Variants in HM13 observed in about 807,000 individuals in gnomAD.
HM13 encodes the protein signal peptide peptidase.
In HM13, 18 loss-of-function variants were observed where a neutral mutation model predicts 50.0. That is an observed-to-expected ratio of 0.36 (90% CI 0.25 to 0.53). The LOEUF (loss-of-function observed/expected upper bound fraction) is 0.53, where lower values mean the gene tolerates loss of function less well. Ranked by LOEUF, HM13 falls within the 20% of genes least tolerant of loss-of-function variation. The pLI, the probability that HM13 is intolerant of heterozygous loss-of-function variation, is 0.90. For missense variants in HM13, 393 were observed against 552.4 expected (o/e 0.71, Z 2.89); for synonymous variants, 197 against 232.6 (o/e 0.85, Z 1.39).
rs1985130261 is a variant in HM13, at chr20:31,569,309, CAAGGGCAGCTCCAGGA to C, written c.*91_*106del. On this transcript the variant is annotated 3_prime_UTR_variant, in exon 13 of 13. Coordinates refer to ENST00000398174, the MANE Select transcript of HM13 (RefSeq NM_178581.3). ...TGCACCGGTAGAGGGCACAGGAGGCCAAGGGCAGCTCCAGGACAGGGCAGGGGGCAGCAGGATACCT... is the reference window on the plus strand; with the variant it reads ...TGCACCGGTAGAGGGCACAGGAGGCCCAGGGCAGGGGGCAGCAGGATACCT... 1.2e-6 allele frequency: 1 copy of C among 860,796 alleles called. No individual in the cohort carries two copies. The highest frequency in any genetic ancestry group is 1.9e-6 in the Non-Finnish European group (1 of 536,224). The allele number at this position is 860,796 out of a possible 1,614,324, so 53.3% of individuals were successfully genotyped here. A position where few individuals can be genotyped will look rare whatever the true frequency, so the allele number is the denominator to read the frequency against.
intron 1 of HM13, among the ~76,000 whole-genome samples, chr20:31,524,221 CAG>C (rs1568780301): frequency 6.6e-6 from 1 of 151,912 alleles, no homozygotes; most frequent in Admixed American, 6.6e-5. Flanking sequence ...GCTTGGGCAA[CAG>C]AGAGAGACCC....
At position 31,518,335 on chromosome 20, in the gene HM13, A is replaced by AT. The variant is rs1218290849; in HGVS notation, c.183+3613dup. 4.2e-3 allele frequency among the ~76,000 whole-genome samples: 590 copies of AT among 138,950 alleles called. 4 individuals are homozygous for AT. Among genetic ancestry groups the AT allele is most frequent in the East Asian group, 7.2e-3 (31 of 4,326 alleles). The allele number at this position is 138,950 out of a possible 152,430, so 91.2% of individuals were successfully genotyped here. On this transcript the variant is annotated intron_variant, in intron 1 of 12. Transcript: ENST00000398174. ...CAGGCATGAGCCACCGCGCCCAGCA[A>AT]TTTTTTTTTTTTCTTTAACAATATG...
chr20:31,542,361 C>A lies in HM13; in HGVS notation c.366-2586C>A, dbSNP rs901314817. 5.9e-5 allele frequency among the ~76,000 whole-genome samples: 9 copies of A among 152,302 alleles called. No individual in the cohort carries two copies. The East Asian group carries it at 1.5e-3, about 26-fold the overall frequency. On this transcript the variant is annotated intron_variant, in intron 3 of 12. Coordinates refer to ENST00000398174, the MANE Select transcript of HM13 (RefSeq NM_178581.3). ...TAGAGGGAAAAAATGCCCAGAAGGACCAGATCTGCCACCCCAGAGGAGGAA... is the reference window on the plus strand; with the variant it reads ...TAGAGGGAAAAAATGCCCAGAAGGAACAGATCTGCCACCCCAGAGGAGGAA...
intron 7 of HM13, 164 bp downstream of exon 7, chr20:31,550,285 G>T: frequency 1.6e-6 from 1 of 634,586 alleles, no homozygotes; most frequent in South Asian, 1.7e-5. Flanking sequence ...TCATCTGGCT[G>T]TGTTCATCCT....
intron 1 of HM13, among the ~76,000 whole-genome samples, chr20:31,520,507 T>C (rs1261160968): frequency 6.6e-6 from 1 of 152,070 alleles, no homozygotes; most frequent in Non-Finnish European, 1.5e-5. Flanking sequence ...TTTCACCATG[T>C]TGGCCAGGCT....
chr20:31,531,304 G>A (rs1982800221), intron 2 of HM13, among the ~76,000 whole-genome samples: 1 of 152,138 alleles, frequency 6.6e-6, no homozygotes, highest in African/African-American at 2.4e-5. Context: ...CTCCCAAAGT[G>A]CTGGGATTAC....
intron 11 of HM13, 112 bp from the exon 12 acceptor site, chr20:31,567,966 G>C (rs1985018454): frequency 1.0e-6 from 1 of 959,492 alleles, no homozygotes; most frequent in African/African-American, 1.7e-5. Flanking sequence ...TGCAAAAATA[G>C]GTAAAAACAA....
intron 7 of HM13, 37 bp downstream of exon 7, chr20:31,550,158 C>T (rs547582485): frequency 3.2e-6 from 5 of 1,558,628 alleles, no homozygotes; most frequent in Admixed American, 3.3e-5. Context: ...CCCCTTCCCC[C>T]ACCCCTGCCG....
chr20:31,558,597 C>T (rs1984443973), intron 8 of HM13, among the ~76,000 whole-genome samples: 4 of 152,104 alleles, frequency 2.6e-5, no homozygotes, highest in Admixed American at 2.6e-4. Flanking sequence ...TCTTTCCCCT[C>T]CTTCACCCCT....
At chr20:31,541,367 A>G (rs184116188) in intron 3 of HM13, 4 of 151,970 alleles carry the variant, frequency 2.6e-5, no homozygotes, top group African/African-American at 7.2e-5. Flanking sequence ...TGTGGTCCCA[A>G]CTGCTCGGTA....
intron 1 of HM13, among the ~76,000 whole-genome samples, chr20:31,516,090 A>G (rs1981757321): frequency 6.6e-6 from 1 of 152,220 alleles, no homozygotes; most frequent in South Asian, 2.1e-4. Context: ...AGACTCAAAC[A>G]TGACTCCATT....
chr20:31,561,475 G>A lies in HM13; in HGVS notation c.846-159G>A, dbSNP rs116724536. On this transcript the variant is annotated intron_variant, in intron 9 of 12. Transcript: ENST00000398174. ...AACTTGTCCAGAGACACATAGCTGG[G>A]GGCAGTATCAGCGTGCACACCCACC... Among the ~76,000 whole-genome samples the A allele has an allele frequency of 4.2e-3, 634 of 152,238 alleles. 7 individuals are homozygous for A. Among genetic ancestry groups the A allele is most frequent in the African/African-American group, 0.014 (583 of 41,544 alleles).
chr20:31,545,507 G>T (rs946368681), intron 4 of HM13, among the ~76,000 whole-genome samples: 6 of 152,174 alleles, frequency 3.9e-5, no homozygotes, highest in Non-Finnish European at 8.8e-5. Flanking sequence ...TCTCATGCCT[G>T]TAATCACAGC....
intron 11 of HM13, among the ~76,000 whole-genome samples, chr20:31,567,022 A>G (rs574249323): frequency 6.6e-6 from 1 of 152,172 alleles, no homozygotes; most frequent in African/African-American, 2.4e-5. Context: ...AGCTGTCCCT[A>G]GAGCGCTTGC....
rs544348836 is a variant in HM13, at chr20:31,520,240, A to G, written c.183+5506A>G. ...TACTTTCCCACCAGCAATGACCTCA[A>G]TTCTTGTTTAATGGCTGTGGAGTAG... On this transcript the variant is annotated intron_variant, in intron 1 of 12. Coordinates refer to ENST00000398174, the MANE Select transcript of HM13 (RefSeq NM_178581.3). Among the ~76,000 whole-genome samples, 11 of 152,264 alleles carry G rather than the reference A, an allele frequency of 7.2e-5. No homozygotes were observed. In the South Asian group the frequency reaches 8.3e-4, roughly 11 times the overall value.
chr20:31,515,853 C>A (rs563870594), intron 1 of HM13, among the ~76,000 whole-genome samples: 3 of 152,202 alleles, frequency 2.0e-5, no homozygotes, highest in African/African-American at 7.2e-5. Context: ...TGCTCCTCCC[C>A]CACCCAGACC....
chr20:31,552,946 G>A lies in HM13; in HGVS notation c.725-1800G>A, dbSNP rs188141496. 2.0e-3 allele frequency among the ~76,000 whole-genome samples: 297 copies of A among 152,120 alleles called. 1 individual carries two copies. Among genetic ancestry groups the A allele is most frequent in the African/African-American group, 6.9e-3 (285 of 41,472 alleles). ...GCCAAGATCACACCACTGCACTCCAGCCTGGGTGACAGAGTAAGACTCCGT... is the reference window on the plus strand; with the variant it reads ...GCCAAGATCACACCACTGCACTCCAACCTGGGTGACAGAGTAAGACTCCGT... On this transcript the variant is annotated intron_variant, in intron 7 of 12. Transcript: ENST00000398174.
chr20:31,515,317 G>T (rs1426190689), intron 1 of HM13, among the ~76,000 whole-genome samples: 1 of 152,146 alleles, frequency 6.6e-6, no homozygotes, highest in Admixed American at 6.5e-5. Flanking sequence ...CAAAAACAAT[G>T]ATCTCTTAGA....
chr20:31,554,375 C>T lies in HM13; in HGVS notation c.725-371C>T, dbSNP rs60091009. On this transcript the variant is annotated intron_variant, in intron 7 of 12. Coordinates refer to ENST00000398174, the MANE Select transcript of HM13 (RefSeq NM_178581.3). The stretch of plus-strand genomic sequence containing the variant: ...CCCTGGGCAATAGAGCAAGCCCCGT[C>T]TCAAAAAAAAAAAAAATACAAAGTA... Among the ~76,000 whole-genome samples, 664 of 125,270 alleles carry T rather than the reference C, an allele frequency of 5.3e-3. 9 individuals are homozygous for T. The highest frequency in any genetic ancestry group is 0.03 in the African/African-American group (637 of 21,146). The allele number at this position is 125,270 out of a possible 152,430, so 82.2% of individuals were successfully genotyped here. A position where few individuals can be genotyped will look rare whatever the true frequency, so the allele number is the denominator to read the frequency against.
Sources: allele counts gnomAD v4.1 joint callset (sites outside exome capture counted in the v4.1 genomes callset), GRCh38; gene constraint gnomAD v4.1.1; transcripts MANE v1.5; gene names NCBI Gene and HGNC (gene_info 2026-07-23, HGNC 2026-07-21).